The following LIPA variants were observed in gnomAD, a reference collection of about 807,000 sequenced individuals.
LIPA encodes the protein lysosomal acid lipase/cholesteryl ester hydrolase.
In LIPA, 26 loss-of-function variants were observed where a neutral mutation model predicts 40.6. The observed-to-expected ratio is 0.64, with a 90% CI of 0.47 to 0.89. The LOEUF is 0.89. Among genes scored for constraint, LIPA ranks in the 40% least tolerant of loss-of-function variants. The pLI, the probability that LIPA is intolerant of heterozygous loss-of-function variation, is 0.00. For synonymous variants in LIPA, 188 were observed against 168.4 expected, an observed-to-expected ratio of 1.12 and a Z score of -0.90; for missense variants, 455 against 479.6, an observed-to-expected ratio of 0.95 and a Z score of 0.48.
chr10:89,401,368 G>A (rs552340951), intron 2 of LIPA, among the ~76,000 whole-genome samples: 2 of 152,120 alleles, frequency 1.3e-5, no homozygotes, highest in African/African-American at 4.8e-5. Flanking sequence ...TGATCCACCT[G>A]CCTCGGCCTC....
At position 89,391,655 on chromosome 10, in the gene LIPA, G is replaced by A. The variant is rs190767627; in HGVS notation, c.61+21136C>T. On this transcript the variant is annotated intron_variant, in intron 2 of 8. Transcript: ENST00000371837. ...AGCAATTCCCCTGCCTCAGCCTCTCGAGTAGGTGGGACTACAGGTGCACAC... is the reference window on the plus strand; with the variant it reads ...AGCAATTCCCCTGCCTCAGCCTCTCAAGTAGGTGGGACTACAGGTGCACAC... Among the ~76,000 whole-genome samples, 529 of 151,740 alleles carry A rather than the reference G, an allele frequency of 3.5e-3. 8 individuals are homozygous for A. The highest frequency in any genetic ancestry group is 0.011 in the African/African-American group (467 of 41,346).
intron 1 of LIPA, chr10:89,285,407 T>C (rs1181133330): frequency 1.3e-5 from 2 of 152,244 alleles, no homozygotes; most frequent in Non-Finnish European, 2.9e-5. Flanking sequence ...ATACGGGAGA[T>C]GTGTTTTATC....
intron 2 of LIPA, chr10:89,402,626 C>A (rs1386082307): frequency 6.2e-7 from 1 of 1,614,210 alleles, no homozygotes; most frequent in Non-Finnish European, 8.5e-7. Flanking sequence ...CCCAGACTTA[C>A]CTGGACAAGG....
chr10:89,260,988 C>T (rs1244852337), intron 1 of LIPA, among the ~76,000 whole-genome samples: 1 of 152,192 alleles, frequency 6.6e-6, no homozygotes, highest in African/African-American at 2.4e-5. Context: ...AGTAGTGACA[C>T]ATTCCAGCAC....
intron 2 of LIPA, among the ~76,000 whole-genome samples, chr10:89,394,228 C>T (rs1288248723): frequency 1.3e-5 from 2 of 152,092 alleles, no homozygotes; most frequent in Non-Finnish European, 2.9e-5. Flanking sequence ...TTTATCTAAA[C>T]ATATTTAAAC....
intron 1 of LIPA, among the ~76,000 whole-genome samples, chr10:89,268,985 CAA>C (rs11453669): frequency 7.1e-6 from 1 of 140,002 alleles, no homozygotes; most frequent in Non-Finnish European, 1.5e-5. Context: ...GACTCTGTCT[CAA>C]AAAAAAAAAA....
chr10:89,353,885 G>A (rs1843973660), intron 2 of LIPA, among the ~76,000 whole-genome samples: 1 of 151,970 alleles, frequency 6.6e-6, no homozygotes, highest in East Asian at 1.9e-4. Context: ...AGCTTGCAGT[G>A]AGCCGAGATC....
Position 89,242,216 on chromosome 10 carries a change from C to T in LIPA, c.229+3460G>A, listed in dbSNP as rs1383078161. On this transcript the variant is annotated intron_variant, in intron 3 of 9. Coordinates refer to ENST00000336233, the MANE Select transcript of LIPA (RefSeq NM_000235.4). The stretch of plus-strand genomic sequence containing the variant: ...ATTTCAATTCCCTTCAGGAGCAAAG[C>T]ATTGCTCAACACTTCCTAAGAAGGT... 2.0e-5 allele frequency among the ~76,000 whole-genome samples: 3 copies of T among 152,190 alleles called. No individual in the cohort carries two copies. In the East Asian group the frequency reaches 5.8e-4, roughly 29 times the overall value.
chr10:89,247,712 A>G, intron 1 of LIPA, 63 bp from the exon 2 acceptor site: 1 of 1,228,424 alleles, frequency 8.1e-7, no homozygotes, highest in South Asian at 1.2e-5. Context: ...TATTCTGGTA[A>G]CTTAATGCTC....
chr10:89,252,626 G>C (rs559421137), upstream of LIPA, among the ~76,000 whole-genome samples: 22 of 152,120 alleles, frequency 1.4e-4, no homozygotes, highest in Non-Finnish European at 2.9e-4. Context: ...TGGCCAACTT[G>C]GTGAAACCCC....
intron 2 of LIPA, among the ~76,000 whole-genome samples, chr10:89,374,471 C>T (rs1163627814): frequency 2.6e-5 from 4 of 152,172 alleles, no homozygotes; most frequent in Admixed American, 2.6e-4. Flanking sequence ...TCAGTTGAGC[C>T]AGAGCCTCAC....
chr10:89,317,206 G>A (rs1306000676), intron 1 of LIPA, among the ~76,000 whole-genome samples: 4 of 152,222 alleles, frequency 2.6e-5, no homozygotes, highest in African/African-American at 4.8e-5. Flanking sequence ...AAAGCTGGAC[G>A]GAGAATGACT....
intron 1 of LIPA, among the ~76,000 whole-genome samples, chr10:89,260,193 A>AGAT (rs1375130583): frequency 1.3e-5 from 2 of 152,228 alleles, no homozygotes; most frequent in Admixed American, 1.3e-4. Flanking sequence ...CCGTTTCTTC[A>AGAT]GATGATGATA....
At chr10:89,274,631 C>G (rs117293785) in intron 1 of LIPA, among the ~76,000 whole-genome samples, 1 of 152,066 alleles carries the variant, frequency 6.6e-6, no homozygotes, top group East Asian at 1.9e-4. Context: ...GCTCACTGAC[C>G]CTATAAACAA....
chr10:89,224,251 C>A (rs1842738363), intron 6 of LIPA, among the ~76,000 whole-genome samples: 1 of 152,190 alleles, frequency 6.6e-6, no homozygotes, highest in Non-Finnish European at 1.5e-5. Flanking sequence ...ATGCTACTGG[C>A]CAGCAGGCCA....
At chr10:89,233,302 C>T (rs1373997710) in intron 3 of LIPA, among the ~76,000 whole-genome samples, 2 of 152,168 alleles carry the variant, frequency 1.3e-5, no homozygotes, top group Admixed American at 1.3e-4. Flanking sequence ...AAGGGTACTG[C>T]AGACCACACT....
chr10:89,351,800 G>A (rs1041540), intron 2 of LIPA, among the ~76,000 whole-genome samples: 2 of 152,016 alleles, frequency 1.3e-5, no homozygotes, highest in Non-Finnish European at 2.9e-5. Flanking sequence ...AAAAATACGC[G>A]CATCACCCTG....
chr10:89,308,020 C>T (rs1476511466), intron 1 of LIPA: 5 of 152,364 alleles, frequency 3.3e-5, no homozygotes, highest in African/African-American at 9.7e-5. Flanking sequence ...TAGCTAGAAG[C>T]GACGGGTACA....
rs188950547 is a variant in LIPA at position 89,381,951 on chromosome 10, G to C, written c.61+30840C>G. Among the ~76,000 whole-genome samples, 1,442 of 152,012 alleles carry C rather than the reference G, an allele frequency of 9.5e-3. 16 individuals carry two copies. Among genetic ancestry groups the C allele is most frequent in the Non-Finnish European group, 0.016 (1,096 of 67,956 alleles). On this transcript the variant is annotated intron_variant, in intron 2 of 8. Transcript: ENST00000371837. ...CGCTGGCTAATTTTTTGTATTTTTA[G>C]TAGAGATGGGGTTTCACCATGTTGC...
Sources: allele counts gnomAD v4.1 joint callset (sites outside exome capture counted in the v4.1 genomes callset), GRCh38; gene constraint gnomAD v4.1.1; transcripts MANE v1.5; gene names NCBI Gene and HGNC (gene_info 2026-07-23, HGNC 2026-07-21).